The following RGL1 variants were observed in gnomAD, a reference collection of about 807,000 sequenced individuals.
RGL1 encodes the protein ral guanine nucleotide dissociation stimulator like 1.
In RGL1, 24 loss-of-function variants were observed where a neutral mutation model predicts 95.2. The observed-to-expected ratio is 0.25, with a 90% CI of 0.18 to 0.35. RGL1 has a LOEUF of 0.35. RGL1 is among the 10% of genes least tolerant of loss of function. The pLI is 1.00. For synonymous variants in RGL1, 329 were observed against 344.9 expected (o/e 0.95, Z 0.51); for missense variants, 715 against 936.3 (o/e 0.76, Z 3.08).
intron 4 of RGL1, among the ~76,000 whole-genome samples, chr1:183,875,995 C>T (rs934391511): frequency 6.6e-6 from 1 of 152,020 alleles, no homozygotes; most frequent in African/African-American, 2.4e-5. Flanking sequence ...GCTCTTTCAC[C>T]GCAGAACCTC....
intron 2 of RGL1, among the ~76,000 whole-genome samples, chr1:183,767,583 T>A (rs1295879128): frequency 6.6e-6 from 1 of 152,194 alleles, no homozygotes; most frequent in Non-Finnish European, 1.5e-5. Context: ...GAAAATATAG[T>A]GTGAAACAAA....
chr1:183,760,172 A>C (rs551493501), intron 2 of RGL1, among the ~76,000 whole-genome samples: 2 of 152,310 alleles, frequency 1.3e-5, no homozygotes, highest in East Asian at 3.9e-4. Flanking sequence ...ATCTTAATTT[A>C]AAAATACTGT....
intron 1 of RGL1, among the ~76,000 whole-genome samples, chr1:183,671,559 G>T (rs1044028388): frequency 1.3e-5 from 2 of 152,168 alleles, no homozygotes; most frequent in Non-Finnish European, 2.9e-5. Flanking sequence ...TTCTAAGCTT[G>T]CCATTTGACA....
chr1:183,673,022 T>C lies in RGL1; in HGVS notation c.-33+36521T>C, dbSNP rs534342981. 2.7e-4 allele frequency among the ~76,000 whole-genome samples: 41 copies of C among 152,346 alleles called. No homozygotes were observed. The South Asian group carries it at 5.0e-3, about 18-fold the overall frequency. On this transcript the variant is annotated intron_variant, in intron 1 of 18. Coordinates refer to the RGL1 transcript ENST00000304685. ...CCTAGGTATTAAGCCCAGCATCCAT[T>C]AGCTATTCTTCCTGGTGTAGAGCAG...
intron 16 of RGL1, among the ~76,000 whole-genome samples, chr1:183,919,855 A>C (rs1441120414): frequency 2.6e-5 from 4 of 152,208 alleles, no homozygotes; most frequent in Admixed American, 6.5e-5. Flanking sequence ...GCCACTGGCC[A>C]CGGGTGGCGA....
intron 2 of RGL1, among the ~76,000 whole-genome samples, chr1:183,757,840 A>G (rs1447573623): frequency 6.6e-6 from 1 of 152,214 alleles, no homozygotes; most frequent in Non-Finnish European, 1.5e-5. Flanking sequence ...ATTGAAATTC[A>G]TTTGTCTCTC....
chr1:183,699,023 T>C (rs1654428210), intron 1 of RGL1, among the ~76,000 whole-genome samples: 1 of 152,268 alleles, frequency 6.6e-6, no homozygotes, highest in South Asian at 2.1e-4. Context: ...TCTCATTTAG[T>C]TGAATTATAA....
intron 2 of RGL1, among the ~76,000 whole-genome samples, chr1:183,748,696 T>G (rs1430342498): frequency 2.0e-5 from 3 of 152,056 alleles, no homozygotes; most frequent in Admixed American, 6.5e-5. Flanking sequence ...GTGAGCCACC[T>G]TTTATTTGTA....
At chr1:183,860,981 G>T (rs1311991865) in intron 3 of RGL1, among the ~76,000 whole-genome samples, 1 of 152,112 alleles carries the variant, frequency 6.6e-6, no homozygotes, top group Non-Finnish European at 1.5e-5. Flanking sequence ...GTTGCTGAAC[G>T]CTGACTGTCA....
chr1:183,718,292 C>A (rs567867935), intron 1 of RGL1, among the ~76,000 whole-genome samples: 2 of 150,952 alleles, frequency 1.3e-5, no homozygotes, highest in Non-Finnish European at 2.9e-5. Flanking sequence ...TAAATGGATG[C>A]TGATGGAGAT....
At chr1:183,692,985 C>T (rs1023351633) in intron 1 of RGL1, among the ~76,000 whole-genome samples, 8 of 150,146 alleles carry the variant, frequency 5.3e-5, no homozygotes, top group Non-Finnish European at 1.0e-4. Flanking sequence ...GATGGAGTCT[C>T]GCTCTGTCAC....
intron 14 of RGL1, among the ~76,000 whole-genome samples, chr1:183,907,927 T>C (rs879359809): frequency 2.6e-5 from 4 of 151,846 alleles, no homozygotes; most frequent in Admixed American, 6.6e-5. Flanking sequence ...AGCCCAGGAG[T>C]TCAGTGTTAC....
At chr1:183,712,516 T>C (rs1558167111) in intron 1 of RGL1, among the ~76,000 whole-genome samples, 1 of 152,192 alleles carries the variant, frequency 6.6e-6, no homozygotes, top group Non-Finnish European at 1.5e-5. Flanking sequence ...TGTGCACGTG[T>C]GCACACATGC....
intron 9 of RGL1, among the ~76,000 whole-genome samples, chr1:183,897,078 AG>A (rs1667744923): frequency 6.6e-6 from 1 of 152,258 alleles, no homozygotes; most frequent in African/African-American, 2.4e-5. Flanking sequence ...GCCAAGATCG[AG>A]AAATCACAAA....
At chr1:183,809,061 A>C (rs1278245428) in intron 2 of RGL1, among the ~76,000 whole-genome samples, 1 of 152,212 alleles carries the variant, frequency 6.6e-6, no homozygotes, top group Non-Finnish European at 1.5e-5. Context: ...TTTGTTGCGA[A>C]GCTATGATCT....
At chr1:183,835,855 G>A (rs775860361) in intron 2 of RGL1, among the ~76,000 whole-genome samples, 9 of 152,180 alleles carry the variant, frequency 5.9e-5, no homozygotes, top group Non-Finnish European at 1.3e-4. Flanking sequence ...ATCCTATGAA[G>A]TCTGTAGATT....
intron 1 of RGL1, among the ~76,000 whole-genome samples, chr1:183,707,256 G>A (rs1034204969): frequency 3.3e-5 from 5 of 152,168 alleles, no homozygotes; most frequent in African/African-American, 1.2e-4. Flanking sequence ...GTCTTCTGGG[G>A]TGAGGGTGGA....
At chr1:183,905,062 A>G (rs893235551) in intron 13 of RGL1, 91 bp downstream of exon 13, 38 of 1,461,552 alleles carry the variant, frequency 2.6e-5, no homozygotes, top group Non-Finnish European at 3.2e-5. Context: ...TTATTCAACA[A>G]CTATTTAGTG....
intron 9 of RGL1, among the ~76,000 whole-genome samples, chr1:183,895,955 C>T (rs532191292): frequency 6.6e-6 from 1 of 152,256 alleles, no homozygotes; most frequent in East Asian, 1.9e-4. Context: ...ATCCCTTTCA[C>T]CTCTGTTATT....
Sources: allele counts gnomAD v4.1 joint callset (sites outside exome capture counted in the v4.1 genomes callset), GRCh38; gene constraint gnomAD v4.1.1; transcripts MANE v1.5; gene names NCBI Gene and HGNC (gene_info 2026-07-23, HGNC 2026-07-21).